APC: variants seen among roughly 807,000 people sequenced by gnomAD.
The protein encoded by APC is APC regulator of Wnt signaling pathway, also known as adenomatous polyposis coli protein.
A neutral mutation model predicts 247.0 loss-of-function variants in APC; 72 were observed. That is an observed-to-expected ratio of 0.29 (90% CI 0.24 to 0.35). The LOEUF (loss-of-function observed/expected upper bound fraction) is 0.35. APC is among the 10% of genes least tolerant of loss of function. The pLI is 1.00. For missense variants in APC, 3,400 were observed against 3,360.7 expected (o/e 1.01, Z -0.29); for synonymous variants, 1,254 against 1,162.5 (o/e 1.08, Z -1.60).
chr5:112,826,300 C>G (rs889079037), intron 11 of APC, among the ~76,000 whole-genome samples: 1 of 152,092 alleles, frequency 6.6e-6, no homozygotes, highest in Admixed American at 6.5e-5. Flanking sequence ...CCTCCACATG[C>G]ATTTTTCTCT....
rs775076289 is a variant in APC, at chr5:112,842,166, GA to G, written c.6579del (p.Val2194PhefsTer5). 6.2e-7 allele frequency: 1 copy of G among 1,612,310 alleles called. No homozygotes were observed. Among genetic ancestry groups the G allele is most frequent in the East Asian group, 2.2e-5 (1 of 44,868 alleles). On this transcript the variant is annotated frameshift_variant, in exon 16 of 16. Transcript: ENST00000257430. LOFTEE classifies it high-confidence loss of function. ...IESESKGIKG[G>X]KKVYKSLITG... ...TCTGAAAGTAAAGGAATCAAAGGAG[GA>G]AAAAAAGTTTATAAAAGTTTGATTA...
intron 1 of APC, among the ~76,000 whole-genome samples, chr5:112,742,065 A>G (rs1753099970): frequency 6.6e-6 from 1 of 152,140 alleles, no homozygotes; most frequent in Admixed American, 6.5e-5. Flanking sequence ...TCTATCATGA[A>G]TAATGCTACT....
intron 11 of APC, among the ~76,000 whole-genome samples, chr5:112,825,425 T>C (rs1345961175): frequency 6.6e-6 from 1 of 152,240 alleles, no homozygotes; most frequent in East Asian, 1.9e-4. Context: ...TGATCCGGCA[T>C]CTACCCATGT....
intron 4 of APC, among the ~76,000 whole-genome samples, chr5:112,772,936 A>G (rs1027854697): frequency 1.3e-5 from 2 of 152,152 alleles, no homozygotes; most frequent in African/African-American, 4.8e-5. Context: ...CTCACTAGGG[A>G]AAACTGAAAA....
At chr5:112,799,760 C>CT (rs1760612883) in intron 7 of APC, among the ~76,000 whole-genome samples, 1 of 151,992 alleles carries the variant, frequency 6.6e-6, no homozygotes, top group Non-Finnish European at 1.5e-5. Context: ...TTTTGTTCTA[C>CT]TTTCCTCCTT....
At chr5:112,723,059 T>C (rs575413280) in intron 1 of APC, among the ~76,000 whole-genome samples, 2 of 151,824 alleles carry the variant, frequency 1.3e-5, no homozygotes, top group Admixed American at 1.3e-4. Flanking sequence ...CAGATTAGAG[T>C]CATGCCTTGG....
At chr5:112,777,306 C>T (rs1757765659) in intron 5 of APC, among the ~76,000 whole-genome samples, 1 of 151,836 alleles carries the variant, frequency 6.6e-6, no homozygotes, top group Non-Finnish European at 1.5e-5. Flanking sequence ...AGTAAGAAAC[C>T]CAGAATGGTC....
chr5:112,716,967 C>T (rs1382939775), intron 1 of APC, among the ~76,000 whole-genome samples: 1 of 152,160 alleles, frequency 6.6e-6, no homozygotes, highest in Non-Finnish European at 1.5e-5. Context: ...TTTAATTCTA[C>T]TTACTTGCAG....
rs114873746 is a variant in APC at position 112,815,236 on chromosome 5, A to T, written c.835-259A>T. On this transcript the variant is annotated intron_variant, in intron 8 of 15. Transcript: ENST00000257430. ...GATCTATGAAAAATTACTACCCTAG[A>T]ATTTCTTCAGTCTTTGGTTAAGTCC... 0.011 allele frequency among the ~76,000 whole-genome samples: 1,616 copies of T among 152,272 alleles called. 29 individuals carry two copies. The highest frequency in any genetic ancestry group is 0.037 in the African/African-American group (1,521 of 41,562).
At chr5:112,799,007 C>A (rs2149704581) in intron 7 of APC, among the ~76,000 whole-genome samples, 1 of 152,030 alleles carries the variant, frequency 6.6e-6, no homozygotes, top group East Asian at 1.9e-4. Flanking sequence ...GTCAGGAGTT[C>A]AAGACCAACC....
intron 9 of APC, among the ~76,000 whole-genome samples, chr5:112,815,975 A>T (rs535473668): frequency 5.9e-5 from 9 of 152,334 alleles, no homozygotes; most frequent in African/African-American, 2.2e-4. Context: ...AACAAGGGAA[A>T]AATCAGGTTT....
chr5:112,766,367 T>A lies in APC; in HGVS notation c.177T>A (p.Ala59=). ...TACAAGGAAGTATTGAAGATGAAGCTATGGCTTCTTCTGGACAGATTGATT... is the reference window on the plus strand; with the variant it reads ...TACAAGGAAGTATTGAAGATGAAGCAATGGCTTCTTCTGGACAGATTGATT... ...KQLQGSIEDE[A]MASSGQIDLL... Residue 59 remains alanine, a synonymous_variant, in exon 3 of 16, where the codon GCT becomes GCA. Coordinates refer to ENST00000257430, the MANE Select transcript of APC (RefSeq NM_000038.6). The A allele has an allele frequency of 6.2e-7, 1 of 1,612,296 alleles. No homozygotes were observed. Among genetic ancestry groups the A allele is most frequent in the Non-Finnish European group, 8.5e-7 (1 of 1,178,548 alleles).
chr5:112,712,436 G>T (rs71577425), intron 1 of APC, among the ~76,000 whole-genome samples: 2,435 of 152,098 alleles, frequency 0.016, 30 homozygotes, highest in Non-Finnish European at 0.025. Flanking sequence ...ACCCAGACTG[G>T]CATGTAGTGG....
At chr5:112,785,160 G>A (rs150741061) in intron 6 of APC, among the ~76,000 whole-genome samples, 72 of 152,300 alleles carry the variant, frequency 4.7e-4, no homozygotes, top group African/African-American at 1.7e-3. Flanking sequence ...TTGTTTGACA[G>A]GCTTGACTAA....
chr5:112,843,413 T>G lies in APC; in HGVS notation c.7819T>G (p.Ser2607Ala). 1 of 1,612,956 alleles carries G rather than the reference T, an allele frequency of 6.2e-7. No individual in the cohort carries two copies. Residue 2607 changes from serine to alanine, a missense_variant, in exon 16 of 16, where the codon TCC (serine) becomes GCC (alanine). This residue lies in a region of APC where 1,788 missense variants were observed against 1,649.5 expected (regional missense o/e 1.08). Transcript: ENST00000257430. The surrounding 1 kb of genome is among the most constrained non-coding windows in gnomAD (Gnocchi z 4.8). Reference sequence around the variant, plus strand: ...CAAACAAAGTAAAGAAAACCAAGTATCCGCAAAAGGAACATGGAGAAAAAT... The same window carrying G: ...CAAACAAAGTAAAGAAAACCAAGTAGCCGCAAAAGGAACATGGAGAAAAAT... ...GTKQSKENQV[S>A]AKGTWRKIKE...
At chr5:112,828,728 C>T (rs1763989707) in intron 13 of APC, 128 bp from the exon 14 acceptor site, 1 of 672,780 alleles carries the variant, frequency 1.5e-6, no homozygotes, top group Non-Finnish European at 2.7e-6. Context: ...GGATTACAGG[C>T]GTGAGTCACC....
In APC at chr5:112,842,234, A is replaced by G. The variant is rs1055951639; in HGVS notation, c.6640A>G (p.Lys2214Glu). The change falls in exon 16 of 16, where the codon AAA becomes GAA. Residue 2214 changes from lysine (K) to glutamate (E), a missense_variant. Physicochemically the swap from Lys to Glu is moderately conservative, Grantham distance 56. This residue lies in a region of APC where 1,788 missense variants were observed against 1,649.5 expected (regional missense o/e 1.08). Coordinates refer to ENST00000257430, the MANE Select transcript of APC (RefSeq NM_000038.6). Reference protein sequence around the residue: ...RSNSEISGQMKQPLQANMPSI... With the variant: ...RSNSEISGQMEQPLQANMPSI... ...TAATTCAGAAATTTCAGGCCAAATG[A>G]AACAGCCCCTTCAAGCAAACATGCC... 8 of 1,613,922 alleles carry G rather than the reference A, an allele frequency of 5.0e-6. No individual in the cohort carries two copies. Among genetic ancestry groups the G allele is most frequent in the Non-Finnish European group, 6.8e-6 (8 of 1,179,894 alleles).
rs1231107165 is a variant in APC at position 112,844,380 on chromosome 5, TTAAAG to T, written c.*257_*261del. 2 of 435,938 alleles carry T rather than the reference TTAAAG, an allele frequency of 4.6e-6. No individual in the cohort carries two copies. The highest frequency in any genetic ancestry group is 4.1e-5 in the African/African-American group (2 of 49,024). The allele number at this position is 435,938 out of a possible 1,614,324, so 27.0% of individuals were successfully genotyped here. On this transcript the variant is annotated 3_prime_UTR_variant, in exon 16 of 16. Coordinates refer to ENST00000257430, the MANE Select transcript of APC (RefSeq NM_000038.6). ...TTTGTACAGTATGTTTTACATGTAT[TTAAAG>T]TAGCATCCCATCCCAACTTCCTTTA...
Position 112,726,480 on chromosome 5 carries a change from T to C in APC, c.165+18598T>C, listed in dbSNP as rs565133443. On this transcript the variant is annotated intron_variant, in intron 1 of 13. Coordinates refer to the APC transcript ENST00000507379. ...CTTTTCTTTTCTCTGCTGTGCTGTT[T>C]TGCTGTTCTTCTGCTTCTCCATTTG... Among the ~76,000 whole-genome samples the C allele has an allele frequency of 3.3e-5, 5 of 152,318 alleles. No individual in the cohort carries two copies. In the South Asian group the frequency reaches 1.0e-3, roughly 32 times the overall value.
Sources: gnomAD v4.1 joint callset for allele counts (sites outside exome capture counted in the v4.1 genomes callset) on GRCh38, gnomAD v4.1.1 for gene constraint, gnomAD v4.1.1 regional missense constraint, Gnocchi (gnomAD v3.1) non-coding constraint, MANE v1.5 for transcripts, NCBI Gene and HGNC (gene_info 2026-07-23, HGNC 2026-07-21) for gene names.